Variants in SYNE1 observed in about 807,000 individuals in gnomAD.
SYNE1 encodes the protein nesprin-1.
A neutral mutation model predicts 1,111.0 loss-of-function variants in SYNE1; 616 were observed. That is an observed-to-expected ratio of 0.55 (90% CI 0.52 to 0.59). The LOEUF (loss-of-function observed/expected upper bound fraction) is 0.59. Ranked by LOEUF, SYNE1 falls within the 20% of genes least tolerant of loss-of-function variation. SYNE1 has a pLI of 0.00. For missense variants in SYNE1, 10,006 were observed against 10,417.0 expected, an observed-to-expected ratio of 0.96 and a Z score of 1.72; for synonymous variants, 3,855 against 3,825.8, an observed-to-expected ratio of 1.01 and a Z score of -0.28.
At chr6:152,336,781 T>C in intron 76 of SYNE1, 60 bp downstream of exon 76, 8 of 1,592,964 alleles carry the variant, frequency 5.0e-6, no homozygotes, top group Non-Finnish European at 6.8e-6. Context: ...ACTGAACACA[T>C]TTCAGGTTTT....
intron 105 of SYNE1, among the ~76,000 whole-genome samples, chr6:152,247,564 A>G (rs531988692): frequency 6.6e-6 from 1 of 151,676 alleles, no homozygotes; most frequent in South Asian, 2.1e-4. Flanking sequence ...AGATGAAATT[A>G]TGGTCAAGAA....
In SYNE1 at chr6:152,381,207, A is replaced by G. The variant is rs1591550286; in HGVS notation, c.8808T>C (p.Ser2936=). 1.9e-6 allele frequency: 3 copies of G among 1,614,208 alleles called. No individual in the cohort carries two copies. Among genetic ancestry groups the G allele is most frequent in the Middle Eastern group, 1.6e-4 (1 of 6,062 alleles). The part of the protein sequence containing the change: ...LRADWKQWED[S]VFQTQSCLEN... The stretch of plus-strand genomic sequence containing the variant: ...CCAAACAGCTCTGCGTTTGGAATAC[A>G]CTGTCTTCCCACTGCTTCCAGTCGG... Residue 2936 remains serine, a synonymous_variant, in exon 56 of 146, where the codon AGT becomes AGC. Coordinates refer to ENST00000367255, the MANE Select transcript of SYNE1 (RefSeq NM_182961.4).
intron 130 of SYNE1, among the ~76,000 whole-genome samples, chr6:152,166,445 G>T (rs1347526052): frequency 2.6e-5 from 4 of 152,146 alleles, no homozygotes; most frequent in African/African-American, 9.7e-5. Flanking sequence ...TGCTCTATTT[G>T]TCAAGTACTA....
chr6:152,249,815 C>T (rs2088572668), intron 104 of SYNE1, among the ~76,000 whole-genome samples: 1 of 151,988 alleles, frequency 6.6e-6, no homozygotes, highest in South Asian at 2.1e-4. Context: ...GAAGAGACAA[C>T]ACAAAAAGAT....
At position 152,381,132 on chromosome 6, in the gene SYNE1, T is replaced by C. The variant is rs1307872999; in HGVS notation, c.8883A>G (p.Gln2961=). Reference sequence around the variant, plus strand: ...CCAGGGCCTGCTCCAGTTGAGCCACTTGGCCTGAGAATTCCTGCTCCGAAA... The same window carrying C: ...CCAGGGCCTGCTCCAGTTGAGCCACCTGGCCTGAGAATTCCTGCTCCGAAA... The part of the protein sequence containing the change: ...MALSEQEFSG[Q]VAQLEQALEQ... Residue 2961 remains glutamine, a synonymous_variant, in exon 56 of 146, where the codon CAA becomes CAG. Coordinates refer to ENST00000367255, the MANE Select transcript of SYNE1 (RefSeq NM_182961.4). The C allele has an allele frequency of 3.7e-6, 6 of 1,614,206 alleles. No individual in the cohort carries two copies. The highest frequency in any genetic ancestry group is 5.1e-6 in the Non-Finnish European group (6 of 1,180,022).
At position 152,330,837 on chromosome 6, in the gene SYNE1, T is replaced by G; in HGVS notation, c.13848A>C (p.Glu4616Asp). The change falls in exon 78 of 146, where the codon GAA becomes GAC. Residue 4616 changes from glutamate (E) to aspartate (D), a missense_variant. Coordinates refer to ENST00000367255, the MANE Select transcript of SYNE1 (RefSeq NM_182961.4). ...TTCTCTGCAGCGTAAGTAGAAGATT[T>G]TCATATTCTGGAGATTGTTCAAGAA... ...QNILEQSPEY[E>D]NLLLTLQRTG... 1 of 1,614,068 alleles carries G rather than the reference T, an allele frequency of 6.2e-7. No individual in the cohort carries two copies. Among genetic ancestry groups the G allele is most frequent in the Non-Finnish European group, 8.5e-7 (1 of 1,180,034 alleles).
At chr6:152,324,948 A>T in intron 81 of SYNE1, 136 bp downstream of exon 81, 2 of 1,011,052 alleles carry the variant, frequency 2.0e-6, no homozygotes, top group Non-Finnish European at 1.5e-6. Context: ...CTTAATTTTT[A>T]TGTCACTGAA....
Position 152,362,266 on chromosome 6 carries a change from G to C in SYNE1, c.10203C>G (p.Phe3401Leu). The C allele has an allele frequency of 6.2e-7, 1 of 1,614,206 alleles. No homozygotes were observed. The highest frequency in any genetic ancestry group is 1.1e-5 in the South Asian group (1 of 91,080). The stretch of plus-strand genomic sequence containing the variant: ...CTTCCATACTATCCATCCAACCGGA[G>C]AACTGTCGAACGCCATCCTGATAAC... ...WTSYQDGVRQ[F>L]SGWMDSMEAN... The change falls in exon 64 of 146, where the codon TTC becomes TTG. Residue 3401 changes from phenylalanine to leucine, a missense_variant. Physicochemically the swap from Phe to Leu is conservative, Grantham distance 22. Around this residue, in one of 7 missense-constraint regions of SYNE1, gnomAD observed 4,955 missense variants for 5,017.2 expected, o/e 0.99. Transcript: ENST00000367255.
chr6:152,172,528 G>C (rs1294217724), intron 130 of SYNE1, among the ~76,000 whole-genome samples: 1 of 152,124 alleles, frequency 6.6e-6, no homozygotes, highest in African/African-American at 2.4e-5. Context: ...AGTTGAATTT[G>C]ACCTTCCTAG....
At chr6:152,160,194 G>C (rs980871942) in intron 131 of SYNE1, among the ~76,000 whole-genome samples, 6 of 152,116 alleles carry the variant, frequency 3.9e-5, no homozygotes, top group African/African-American at 1.4e-4. Flanking sequence ...TTTTAGTAGA[G>C]ACGGGGTTTC....
rs73625149 is a variant in SYNE1 at position 152,133,693 on chromosome 6, G to A, written c.25789-205C>T. 2.7e-3 allele frequency: 1,593 copies of A among 599,766 alleles called. 11 individuals carry two copies. The highest frequency in any genetic ancestry group is 0.012 in the Middle Eastern group (26 of 2,228). 37.2% of individuals were successfully genotyped at this position (599,766 alleles called of 1,614,324 possible). On this transcript the variant is annotated intron_variant, in intron 142 of 145. Coordinates refer to ENST00000367255, the MANE Select transcript of SYNE1 (RefSeq NM_182961.4). ...AAAATATTCTATAAGACCCCTGACC[G>A]TCTCTGATCTCAGTTTGATTTGATG...
chr6:152,266,910 T>A (rs529138552), intron 100 of SYNE1, among the ~76,000 whole-genome samples: 38 of 152,216 alleles, frequency 2.5e-4, no homozygotes, highest in South Asian at 4.1e-4. Flanking sequence ...AAAAGTTTAA[T>A]TCCTATGTCG....
intron 64 of SYNE1, among the ~76,000 whole-genome samples, chr6:152,359,686 T>C (rs1234217827): frequency 6.6e-6 from 1 of 151,896 alleles, no homozygotes; most frequent in Non-Finnish European, 1.5e-5. Context: ...TTCTCTAACA[T>C]ATGAATTACC....
At position 152,218,141 on chromosome 6, in the gene SYNE1, G is replaced by A. The variant is rs376844602; in HGVS notation, c.22191+116C>T. ...CGGAAAGCAGAGGTTGCAGTGAGCC[G>A]AGATCACACCACGGCACTCCAGCTT... On this transcript the variant is annotated intron_variant, in intron 121 of 145. Coordinates refer to ENST00000367255, the MANE Select transcript of SYNE1 (RefSeq NM_182961.4). 37 of 1,245,614 alleles carry A rather than the reference G, an allele frequency of 3.0e-5. No individual in the cohort carries two copies. In the African/African-American group the frequency reaches 3.0e-4, roughly 10 times the overall value. 77.2% of individuals were successfully genotyped at this position (1,245,614 alleles called of 1,614,324 possible).
chr6:152,236,498 AT>A (rs71784634), intron 109 of SYNE1, among the ~76,000 whole-genome samples, 195 bp from the exon 110 acceptor site: 20 of 149,322 alleles, frequency 1.3e-4, no homozygotes, highest in Admixed American at 6.0e-4. Flanking sequence ...GTTGTTTATT[AT>A]TTTTTTTTTG....
At chr6:152,364,686 G>GGA (rs2097022211) in intron 63 of SYNE1, among the ~76,000 whole-genome samples, 161 bp downstream of exon 63, 1 of 108,012 alleles carries the variant, frequency 9.3e-6, no homozygotes, top group South Asian at 3.5e-4. Context: ...AAGGAGGAAG[G>GGA]AGGAAGGAAG....
At position 152,331,727 on chromosome 6, in the gene SYNE1, G is replaced by A. The variant is rs775930653; in HGVS notation, c.12958C>T (p.His4320Tyr). ...AGCTGAAACCAACGTTGCTCTAAAT[G>A]ACTCGTCTGTTCTTTGACTAACTCC... ...DKELVKEQTS[H>Y]LEQRWFQLED... Residue 4320 changes from histidine (H) to tyrosine (Y), a missense_variant, in exon 78 of 146, where the codon CAT (histidine) becomes TAT (tyrosine). Coordinates refer to ENST00000367255, the MANE Select transcript of SYNE1 (RefSeq NM_182961.4). 1.1e-5 allele frequency: 18 copies of A among 1,614,132 alleles called. No individual in the cohort carries two copies. In the Admixed American group the frequency reaches 2.3e-4, roughly 21 times the overall value.
chr6:152,318,265 T>C lies in SYNE1; in HGVS notation c.16390-2A>G, dbSNP rs759460806. 7 of 1,614,068 alleles carry C rather than the reference T, an allele frequency of 4.3e-6. No homozygotes were observed. The highest frequency in any genetic ancestry group is 5.9e-6 in the Non-Finnish European group (7 of 1,180,018). On this transcript the variant is annotated splice_acceptor_variant, in intron 85 of 145. Coordinates refer to ENST00000367255, the MANE Select transcript of SYNE1 (RefSeq NM_182961.4). LOFTEE classifies it high-confidence loss of function. ...GCCATCTAATTCCTCTCCCAGCACC[T>C]TGATGGTCACCAAAATGAAAGAACA... is the stretch of plus-strand genomic sequence containing the variant.
intron 138 of SYNE1, among the ~76,000 whole-genome samples, chr6:152,143,371 A>G (rs2058856715): frequency 6.6e-6 from 1 of 152,222 alleles, no homozygotes; most frequent in African/African-American, 2.4e-5. Context: ...CTCAATGAAA[A>G]GGATCTCCCT....
Sources: allele counts gnomAD v4.1 joint callset (sites outside exome capture counted in the v4.1 genomes callset), GRCh38; gene constraint gnomAD v4.1.1; regional missense constraint gnomAD v4.1.1; transcripts MANE v1.5; gene names NCBI Gene and HGNC (gene_info 2026-07-23, HGNC 2026-07-21).